The following TMEM117 variants were observed in gnomAD, a reference collection of about 807,000 sequenced individuals.
The protein encoded by TMEM117 is transmembrane protein 117.
TMEM117 carries 27 observed loss-of-function variants against 52.4 expected under a neutral mutation model. The observed-to-expected ratio is 0.51, with a 90% confidence interval of 0.38 to 0.71. TMEM117 has a LOEUF of 0.71. Ranked by LOEUF, TMEM117 falls within the 30% of genes least tolerant of loss-of-function variation. The pLI, the probability that TMEM117 is intolerant of heterozygous loss-of-function variation, is 0.00. For synonymous variants in TMEM117, 215 were observed against 206.3 expected (o/e 1.04, Z -0.36); for missense variants, 556 against 630.5 (o/e 0.88, Z 1.26).
chr12:44,048,140 T>C (rs926699359), intron 3 of TMEM117, among the ~76,000 whole-genome samples: 7 of 152,208 alleles, frequency 4.6e-5, no homozygotes, highest in African/African-American at 1.7e-4. Context: ...CTTTACATTT[T>C]CAAATTCCTT....
At chr12:44,350,609 A>G (rs1408196047) in intron 6 of TMEM117, among the ~76,000 whole-genome samples, 1 of 151,936 alleles carries the variant, frequency 6.6e-6, no homozygotes, top group Non-Finnish European at 1.5e-5. Context: ...ATAATTGAGA[A>G]CGTGCAATGT....
the TMEM117 span, among the ~76,000 whole-genome samples, chr12:43,822,168 C>G: frequency 1.3e-5 from 2 of 152,300 alleles, no homozygotes; most frequent in South Asian, 4.1e-4. Flanking sequence ...TACTAAGGCA[C>G]AAATGTGAGT....
the TMEM117 span, chr12:43,796,989 T>C: frequency 2.5e-6 from 4 of 1,609,548 alleles, no homozygotes; most frequent in Non-Finnish European, 3.4e-6. Context: ...TCTAATTACA[T>C]CCATTTGTAG....
intron 6 of TMEM117, among the ~76,000 whole-genome samples, chr12:44,319,369 C>A (rs1485229367): frequency 6.6e-6 from 1 of 152,188 alleles, no homozygotes; most frequent in Non-Finnish European, 1.5e-5. Flanking sequence ...CTTTCTTGTC[C>A]TGGGTTGCAT....
rs1009835626 is a variant in TMEM117 at position 44,383,982 on chromosome 12, C to T, written c.899-4044C>T. On this transcript the variant is annotated intron_variant, in intron 7 of 7. Transcript: ENST00000266534. The stretch of plus-strand genomic sequence containing the variant: ...TTATTTCACAGACTCATCAAAGAAA[C>T]TTTTAGGGCTGGGAAGAAATCTTAA... 2.6e-5 allele frequency among the ~76,000 whole-genome samples: 4 copies of T among 152,174 alleles called. No individual in the cohort carries two copies. In the East Asian group the frequency reaches 7.7e-4, roughly 29 times the overall value.
At chr12:44,156,156 G>A (rs1286139875) in intron 4 of TMEM117, among the ~76,000 whole-genome samples, 1 of 152,090 alleles carries the variant, frequency 6.6e-6, no homozygotes, top group Non-Finnish European at 1.5e-5. Flanking sequence ...TTAAATGCTT[G>A]TTATAGTAGT....
chr12:44,251,321 G>C (rs1950194888), intron 5 of TMEM117, among the ~76,000 whole-genome samples: 1 of 152,184 alleles, frequency 6.6e-6, no homozygotes, highest in Admixed American at 6.5e-5. Flanking sequence ...TGTGGTTACT[G>C]ACAGATCTGT....
chr12:43,810,850 G>GT, the TMEM117 span, among the ~76,000 whole-genome samples: 9 of 152,110 alleles, frequency 5.9e-5, no homozygotes, highest in Admixed American at 1.3e-4. Context: ...TATCTGTTAT[G>GT]TTTTTTCAGA....
intron 6 of TMEM117, among the ~76,000 whole-genome samples, chr12:44,318,749 C>T (rs550638695): frequency 3.9e-5 from 6 of 152,148 alleles, no homozygotes; most frequent in African/African-American, 1.4e-4. Flanking sequence ...AGAGTGGGTG[C>T]TCTGACTGCC....
intron 3 of TMEM117, among the ~76,000 whole-genome samples, chr12:44,045,607 G>C (rs1946869251): frequency 6.6e-6 from 1 of 152,070 alleles, no homozygotes; most frequent in South Asian, 2.1e-4. Context: ...ACTTTGGGAG[G>C]CTTGAGGCGG....
At chr12:43,890,934 C>G (rs1944092444) in intron 2 of TMEM117, among the ~76,000 whole-genome samples, 1 of 152,024 alleles carries the variant, frequency 6.6e-6, no homozygotes, top group African/African-American at 2.4e-5. Context: ...AAAAATTCAT[C>G]TGACTTTTTT....
At chr12:43,883,511 A>C (rs12228658) in intron 2 of TMEM117, among the ~76,000 whole-genome samples, 7,337 of 152,258 alleles carry the variant, frequency 0.048, 213 homozygotes, top group Middle Eastern at 0.088. Context: ...ATGAGCCAAC[A>C]TCCAGCTATC....
intron 2 of TMEM117, among the ~76,000 whole-genome samples, chr12:43,878,705 A>G (rs895368728): frequency 7.2e-5 from 11 of 152,220 alleles, no homozygotes; most frequent in Admixed American, 3.3e-4. Context: ...GTCTTAGAAA[A>G]TTTTAAGCCT....
At chr12:44,374,609 G>A (rs1415267533) in intron 6 of TMEM117, among the ~76,000 whole-genome samples, 1 of 142,176 alleles carries the variant, frequency 7.0e-6, no homozygotes, top group Admixed American at 7.2e-5. Flanking sequence ...AATAATCAAG[G>A]AACTATTTGT....
chr12:44,385,312 AAAT>A (rs1224394932), intron 7 of TMEM117, among the ~76,000 whole-genome samples: 4 of 152,198 alleles, frequency 2.6e-5, no homozygotes, highest in East Asian at 3.9e-4. Flanking sequence ...GACACATGAG[AAAT>A]AATAAAAAGT....
At chr12:44,206,308 G>T (rs1177682722) in intron 4 of TMEM117, among the ~76,000 whole-genome samples, 2 of 152,096 alleles carry the variant, frequency 1.3e-5, no homozygotes, top group Non-Finnish European at 2.9e-5. Flanking sequence ...TGCCCTGGGT[G>T]GGCCAGGTTT....
At chr12:44,188,967 A>G (rs77141811) in intron 4 of TMEM117, among the ~76,000 whole-genome samples, 1,702 of 152,270 alleles carry the variant, frequency 0.011, 25 homozygotes, top group African/African-American at 0.039. Context: ...TTTTCAGGGT[A>G]CACATGATAA....
chr12:44,310,428 C>T (rs930489491), intron 6 of TMEM117, among the ~76,000 whole-genome samples: 1 of 152,246 alleles, frequency 6.6e-6, no homozygotes, highest in African/African-American at 2.4e-5. Flanking sequence ...CACCTGAGGT[C>T]GGGAGTTCAA....
In TMEM117 at chr12:43,953,832, C is replaced by G. The variant is rs775816855; in HGVS notation, c.410+9490C>G. Among the ~76,000 whole-genome samples, 4 of 152,148 alleles carry G rather than the reference C, an allele frequency of 2.6e-5. No individual in the cohort carries two copies. The East Asian group carries it at 5.8e-4, about 22-fold the overall frequency. ...TAGATATCTACAGAACTCTCCCCCC[C>G]AAAACAACAGAATATACATTTTTGT... On this transcript the variant is annotated intron_variant, in intron 3 of 7. Coordinates refer to ENST00000266534, the MANE Select transcript of TMEM117 (RefSeq NM_032256.3).
Sources: gnomAD v4.1 joint callset for allele counts (sites outside exome capture counted in the v4.1 genomes callset) on GRCh38, gnomAD v4.1.1 for gene constraint, MANE v1.5 for transcripts, NCBI Gene and HGNC (gene_info 2026-07-23, HGNC 2026-07-21) for gene names.